The following MCC variants were observed in gnomAD, a reference collection of about 807,000 sequenced individuals.
MCC encodes the protein MCC regulator of Wnt signaling pathway, also known as colorectal mutant cancer protein.
MCC carries 90 observed loss-of-function variants against 116.2 expected under a neutral mutation model. The ratio of observed to expected loss-of-function variants is 0.77; its 90% confidence interval spans 0.65 to 0.92. The LOEUF (loss-of-function observed/expected upper bound fraction) is 0.92. MCC is among the 40% of genes least tolerant of loss of function. The probability of loss-of-function intolerance (pLI) is 0.00; values close to 1 mark genes in which losing one functional copy is unlikely to be tolerated. For missense variants in MCC, 1,516 were observed against 1,312.2 expected (o/e 1.16, Z -2.40); for synonymous variants, 578 against 510.5 (o/e 1.13, Z -1.78).
At chr5:113,405,497 A>C (rs967813060) in intron 1 of MCC, among the ~76,000 whole-genome samples, 5 of 152,178 alleles carry the variant, frequency 3.3e-5, no homozygotes, top group Admixed American at 3.3e-4. Context: ...AACAGATGAA[A>C]TATGCTGTGG....
chr5:113,160,235 A>T (rs1367756285), intron 3 of MCC, among the ~76,000 whole-genome samples: 2 of 152,164 alleles, frequency 1.3e-5, no homozygotes, highest in Middle Eastern at 3.2e-3. Flanking sequence ...CCCCTTCTTC[A>T]AATAAATGGT....
chr5:113,414,581 T>C (rs1243786764), intron 1 of MCC, among the ~76,000 whole-genome samples: 1 of 152,194 alleles, frequency 6.6e-6, no homozygotes, highest in African/African-American at 2.4e-5. Flanking sequence ...GAGACTAGAA[T>C]TGCAACCCCT....
chr5:113,197,858 C>T (rs1386401317), intron 3 of MCC, among the ~76,000 whole-genome samples: 2 of 152,218 alleles, frequency 1.3e-5, no homozygotes, highest in Non-Finnish European at 2.9e-5. Flanking sequence ...GTGCTCTGTG[C>T]ACCAGGCTAT....
intron 3 of MCC, among the ~76,000 whole-genome samples, chr5:113,287,108 A>T (rs1264530726): frequency 6.6e-6 from 1 of 152,164 alleles, no homozygotes; most frequent in Non-Finnish European, 1.5e-5. Flanking sequence ...CAAAAAAATA[A>T]TTACATACAA....
chr5:113,385,078 C>T lies in MCC; in HGVS notation c.305G>A (p.Arg102Gln), dbSNP rs759524705. The T allele has an allele frequency of 1.2e-4, 200 of 1,614,086 alleles. 2 individuals carry two copies. The South Asian group carries it at 1.4e-3, about 12-fold the overall frequency. The change falls in exon 2 of 19, where the codon CGA becomes CAA. Residue 102 changes from arginine to glutamine, a missense_variant. By Grantham distance (43) the Arg-to-Gln change is conservative (BLOSUM62 1). Coordinates refer to ENST00000408903, the MANE Select transcript of MCC (RefSeq NM_001085377.2). Reference protein sequence around the residue: ...DFTRCRMQLVREIRKEEVDLS... With the variant: ...DFTRCRMQLVQEIRKEEVDLS... ...ATCTACTTCCTCCTTCCTAATTTCT[C>T]GAACAAGCTGCATGCGGCATCTTGT...
intron 13 of MCC, among the ~76,000 whole-genome samples, chr5:113,067,290 G>T (rs898975262): frequency 2.0e-5 from 3 of 152,170 alleles, no homozygotes. Flanking sequence ...AGAGCAGGGG[G>T]TGAAACTACT....
intron 8 of MCC, among the ~76,000 whole-genome samples, chr5:113,098,178 G>C (rs1756159584): frequency 6.6e-6 from 1 of 152,150 alleles, no homozygotes; most frequent in South Asian, 2.1e-4. Context: ...GGAAAGCGCT[G>C]ATTATTTTTG....
intron 3 of MCC, among the ~76,000 whole-genome samples, chr5:113,190,466 A>G (rs1462694014): frequency 6.6e-6 from 1 of 152,182 alleles, no homozygotes; most frequent in Non-Finnish European, 1.5e-5. Flanking sequence ...ATGCACACCA[A>G]AGGAGGAGCT....
chr5:113,288,160 G>A (rs542279998), intron 3 of MCC, among the ~76,000 whole-genome samples: 166 of 152,310 alleles, frequency 1.1e-3, no homozygotes, highest in Non-Finnish European at 1.5e-3. Context: ...GCTGTCAGCC[G>A]CTGCCTTGCC....
At chr5:113,438,938 G>T (rs1770948160) in intron 1 of MCC, among the ~76,000 whole-genome samples, 1 of 152,184 alleles carries the variant, frequency 6.6e-6, no homozygotes, top group South Asian at 2.1e-4. Context: ...GGCTGGGGTT[G>T]CCCAGGAAGG....
chr5:113,324,488 GGTGA>G (rs1767500243), intron 3 of MCC, among the ~76,000 whole-genome samples: 1 of 152,088 alleles, frequency 6.6e-6, no homozygotes, highest in African/African-American at 2.4e-5. Flanking sequence ...TTTTCATGTT[GGTGA>G]GTATCCTTCC....
rs149273624 is a variant in MCC at position 113,408,026 on chromosome 5, AGGGAACAGAG to A, written c.171-22824_171-22815del. Among the ~76,000 whole-genome samples, 1,003 of 152,304 alleles carry A rather than the reference AGGGAACAGAG, an allele frequency of 6.6e-3. 7 individuals carry two copies. Among genetic ancestry groups the A allele is most frequent in the African/African-American group, 0.023 (939 of 41,562 alleles). On this transcript the variant is annotated intron_variant, in intron 1 of 18. Transcript: ENST00000408903. ...CTCATTAAGAGGCCTAGTTAGAAGA[AGGGAACAGAG>A]GAAAAGCAAAGGGAGATACATTAAC...
chr5:113,126,214 T>C (rs6594684), intron 5 of MCC, among the ~76,000 whole-genome samples: 143,222 of 152,278 alleles, frequency 0.94, 67,861 homozygotes, highest in East Asian at 1. Context: ...ATAACAAATG[T>C]TCCTCAGGAG....
chr5:113,373,178 C>CA (rs764418127), intron 2 of MCC, among the ~76,000 whole-genome samples: 5,001 of 132,050 alleles, frequency 0.038, 124 homozygotes, highest in East Asian at 0.077. Flanking sequence ...GACTCCCTCT[C>CA]AAAAAAAAAT....
At chr5:113,386,861 T>C (rs1280170953) in intron 1 of MCC, among the ~76,000 whole-genome samples, 2 of 151,824 alleles carry the variant, frequency 1.3e-5, no homozygotes, top group Admixed American at 1.3e-4. Flanking sequence ...AATAAATATA[T>C]ACATGGAAGT....
chr5:113,293,211 C>G (rs544629111), intron 3 of MCC, among the ~76,000 whole-genome samples: 9 of 151,972 alleles, frequency 5.9e-5, no homozygotes, highest in South Asian at 2.1e-4. Flanking sequence ...TTTAATCCCC[C>G]CTCTTTCCCA....
At chr5:113,188,902 G>A (rs954310082) in intron 3 of MCC, among the ~76,000 whole-genome samples, 23 of 152,316 alleles carry the variant, frequency 1.5e-4, no homozygotes, top group African/African-American at 5.5e-4. Flanking sequence ...AGAGTATTAG[G>A]AAGCCAGTAT....
chr5:113,202,885 C>A (rs1393691236), intron 3 of MCC, among the ~76,000 whole-genome samples: 1 of 151,806 alleles, frequency 6.6e-6, no homozygotes, highest in Non-Finnish European at 1.5e-5. Context: ...ATATTCTCAA[C>A]CCTGTTTTTC....
At chr5:113,454,155 G>C (rs1771477538) in intron 1 of MCC, among the ~76,000 whole-genome samples, 1 of 152,024 alleles carries the variant, frequency 6.6e-6, no homozygotes. Flanking sequence ...AAAAATATTT[G>C]AAAAAATCCT....
Sources: allele counts gnomAD v4.1 joint callset (sites outside exome capture counted in the v4.1 genomes callset), GRCh38; gene constraint gnomAD v4.1.1; transcripts MANE v1.5; gene names NCBI Gene and HGNC (gene_info 2026-07-23, HGNC 2026-07-21).